ATP13A5: variants seen among roughly 807,000 people sequenced by gnomAD.
The protein encoded by ATP13A5 is probable cation-transporting ATPase 13A5.
Under a neutral mutation model 150.2 loss-of-function variants are expected in ATP13A5, and 149 were observed. That is an observed-to-expected ratio of 0.99 (90% CI 0.87 to 1.14). The LOEUF is 1.14. ATP13A5 is among the 50% of genes most tolerant of loss of function. The pLI, the probability that ATP13A5 is intolerant of heterozygous loss-of-function variation, is 0.00. For missense variants in ATP13A5, 1,383 were observed against 1,449.3 expected (o/e 0.95, Z 0.74); for synonymous variants, 497 against 522.2 (o/e 0.95, Z 0.66).
At chr3:193,292,639 A>G (rs572691188) in intron 25 of ATP13A5, among the ~76,000 whole-genome samples, 1 of 152,286 alleles carries the variant, frequency 6.6e-6, no homozygotes, top group Non-Finnish European at 1.5e-5. Flanking sequence ...AATGTGGAGT[A>G]GACCTGAATC....
intron 21 of ATP13A5, among the ~76,000 whole-genome samples, chr3:193,309,395 A>C (rs1158011293): frequency 6.6e-6 from 1 of 152,178 alleles, no homozygotes; most frequent in East Asian, 1.9e-4. Context: ...TTTCTGCTAC[A>C]TCCAAGCATG....
rs375900279 is a variant in ATP13A5, at chr3:193,324,962, G to A, written c.1576C>T (p.Leu526=). 4.8e-5 allele frequency: 78 copies of A among 1,613,976 alleles called. No individual in the cohort carries two copies. The African/African-American group carries it at 5.1e-4, about 10-fold the overall frequency. ...TGGCAGCTGGCCATGGCCGCACACA[G>A]TGGGCTCCATGGCACAGCCTGGCCT... ...ASGQAVPWSP[L]CAAMASCHSL... Residue 526 remains leucine (L), a synonymous_variant, in exon 14 of 30, where the codon CTG becomes TTG. Coordinates refer to ENST00000342358, the MANE Select transcript of ATP13A5 (RefSeq NM_198505.4).
chr3:193,312,066 T>C, intron 19 of ATP13A5, 125 bp from the exon 20 acceptor site: 3 of 1,234,306 alleles, frequency 2.4e-6, no homozygotes, highest in Non-Finnish European at 3.4e-6. Flanking sequence ...AAATAATGTG[T>C]AATTTGCCTA....
Position 193,320,246 on chromosome 3 carries a change from G to A in ATP13A5, c.1916-1138C>T, listed in dbSNP as rs1405515479. 2.0e-5 allele frequency among the ~76,000 whole-genome samples: 3 copies of A among 152,170 alleles called. No homozygotes were observed. In the East Asian group the frequency reaches 5.8e-4, roughly 29 times the overall value. ...TCTCATCCATAAAATGAGAATTCCAGATCTCTCTGTCTCCATTCATTTCAG... is the reference window on the plus strand; with the variant it reads ...TCTCATCCATAAAATGAGAATTCCAAATCTCTCTGTCTCCATTCATTTCAG... On this transcript the variant is annotated intron_variant, in intron 16 of 29. Transcript: ENST00000342358.
chr3:193,329,454 G>A (rs9291054), intron 12 of ATP13A5, among the ~76,000 whole-genome samples: 129,340 of 152,078 alleles, frequency 0.85, 55,208 homozygotes, highest in East Asian at 0.96. Context: ...AGGAAATAAA[G>A]TGAACAGCCT....
Position 193,331,122 on chromosome 3 carries a change from C to G in ATP13A5, c.1461+1G>C. 1.2e-6 allele frequency: 2 copies of G among 1,613,170 alleles called. No individual in the cohort carries two copies. Among genetic ancestry groups the G allele is most frequent in the Non-Finnish European group, 1.7e-6 (2 of 1,179,440 alleles). ...TTAAACCTGAGAAGTCTGGATCATACTTTGTCAAAGCACACGAGGTTTATT... is the reference window on the plus strand; with the variant it reads ...TTAAACCTGAGAAGTCTGGATCATAGTTTGTCAAAGCACACGAGGTTTATT... On this transcript the variant is annotated splice_donor_variant, in intron 12 of 29. Coordinates refer to ENST00000342358, the MANE Select transcript of ATP13A5 (RefSeq NM_198505.4). LOFTEE classifies it high-confidence loss of function.
chr3:193,301,624 T>C (rs1308272909), intron 23 of ATP13A5, among the ~76,000 whole-genome samples: 1 of 152,256 alleles, frequency 6.6e-6, no homozygotes, highest in African/African-American at 2.4e-5. Flanking sequence ...AGAAGATTAC[T>C]ATGTGTATTA....
At chr3:193,376,775 C>A (rs1713659147) in intron 1 of ATP13A5, among the ~76,000 whole-genome samples, 1 of 152,198 alleles carries the variant, frequency 6.6e-6, no homozygotes, top group Non-Finnish European at 1.5e-5. Flanking sequence ...ATTGCAAGAT[C>A]AGTTCAGCAA....
At chr3:193,376,197 GATTT>G (rs1244139322) in intron 1 of ATP13A5, among the ~76,000 whole-genome samples, 2 of 152,082 alleles carry the variant, frequency 1.3e-5, no homozygotes, top group East Asian at 1.9e-4. Flanking sequence ...GGCTTCCCTC[GATTT>G]ATTTATTTTT....
chr3:193,294,094 C>T (rs990537002), intron 25 of ATP13A5, among the ~76,000 whole-genome samples: 12 of 152,098 alleles, frequency 7.9e-5, no homozygotes, highest in African/African-American at 2.9e-4. Flanking sequence ...AGAAAACAAA[C>T]ATAAAGGCTG....
chr3:193,299,734 T>C (rs981837467), intron 24 of ATP13A5, among the ~76,000 whole-genome samples: 1 of 152,132 alleles, frequency 6.6e-6, no homozygotes, highest in Non-Finnish European at 1.5e-5. Context: ...AAGGTTTGTG[T>C]AGACAGAACT....
intron 11 of ATP13A5, among the ~76,000 whole-genome samples, 159 bp from the exon 12 acceptor site, chr3:193,331,470 C>T (rs543346944): frequency 1.3e-5 from 2 of 152,242 alleles, no homozygotes; most frequent in South Asian, 4.2e-4. Context: ...GTTCTGTTTC[C>T]CTCTACTTAG....
chr3:193,366,014 A>T (rs1225958392), intron 1 of ATP13A5, among the ~76,000 whole-genome samples: 1 of 152,078 alleles, frequency 6.6e-6, no homozygotes, highest in African/African-American at 2.4e-5. Flanking sequence ...TGCCCTAATG[A>T]AATAATATCT....
At chr3:193,378,288 C>T (rs1489935) in intron 1 of ATP13A5, among the ~76,000 whole-genome samples, 144,322 of 152,318 alleles carry the variant, frequency 0.95, 68,389 homozygotes, top group Middle Eastern at 0.98. Context: ...ACCCAAAGCA[C>T]GAGAATAAAA....
At chr3:193,360,401 AT>A (rs1229314791) in intron 5 of ATP13A5, among the ~76,000 whole-genome samples, 5 of 152,196 alleles carry the variant, frequency 3.3e-5, no homozygotes, top group Non-Finnish European at 7.3e-5. Context: ...TTCATTTCTC[AT>A]CTTATGCACT....
At position 193,274,896 on chromosome 3, in the gene ATP13A5, GCTGCAAGGTTTAATT is replaced by G; in HGVS notation, c.*131_*145del. On this transcript the variant is annotated 3_prime_UTR_variant, in exon 30 of 30. Transcript: ENST00000342358. Reference sequence around the variant, plus strand: ...AGAATAAGCCTATCTAAGGTCCCTTGCTGCAAGGTTTAATTCATTGAAAATATACTTTGAATGCTT... The same window carrying G: ...AGAATAAGCCTATCTAAGGTCCCTTGCATTGAAAATATACTTTGAATGCTT... The G allele has an allele frequency of 8.5e-7, 1 of 1,182,264 alleles. No homozygotes were observed. The allele number at this position is 1,182,264 out of a possible 1,614,324, so 73.2% of individuals were successfully genotyped here. A position where few individuals can be genotyped will look rare whatever the true frequency, so the allele number is the denominator to read the frequency against.
intron 22 of ATP13A5, 92 bp from the exon 23 acceptor site, chr3:193,305,760 T>C: frequency 9.5e-7 from 1 of 1,050,850 alleles, no homozygotes; most frequent in South Asian, 1.3e-5. Context: ...ATCATAAAGG[T>C]ATAACACTGT....
intron 16 of ATP13A5, among the ~76,000 whole-genome samples, chr3:193,319,966 C>T (rs759759814): frequency 6.6e-4 from 100 of 152,206 alleles, no homozygotes; most frequent in Non-Finnish European, 1.2e-3. Context: ...CTATCTTGAT[C>T]TTTACAGAAA....
intron 13 of ATP13A5, among the ~76,000 whole-genome samples, chr3:193,325,925 G>T (rs777948140): frequency 6.6e-6 from 1 of 152,138 alleles, no homozygotes; most frequent in Non-Finnish European, 1.5e-5. Context: ...CCCTTTCACT[G>T]CTCTGGCCAA....
Sources: gnomAD v4.1 joint callset for allele counts (sites outside exome capture counted in the v4.1 genomes callset) on GRCh38, gnomAD v4.1.1 for gene constraint, MANE v1.5 for transcripts, NCBI Gene and HGNC (gene_info 2026-07-23, HGNC 2026-07-21) for gene names.